EXOC6B: variants seen among roughly 807,000 people sequenced by gnomAD.
EXOC6B encodes the protein exocyst complex component 6B.
Under a neutral mutation model 113.5 loss-of-function variants are expected in EXOC6B, and 54 were observed. That is an observed-to-expected ratio of 0.48 (90% CI 0.38 to 0.60). EXOC6B has a LOEUF of 0.60. Ranked by LOEUF, EXOC6B falls within the 20% of genes least tolerant of loss-of-function variation. EXOC6B has a pLI of 0.00. For missense variants in EXOC6B, 797 were observed against 977.5 expected, an observed-to-expected ratio of 0.82 and a Z score of 2.46; for synonymous variants, 357 against 339.0, an observed-to-expected ratio of 1.05 and a Z score of -0.58.
At chr2:72,396,150 T>G (rs1023501095) in intron 18 of EXOC6B, among the ~76,000 whole-genome samples, 1 of 152,144 alleles carries the variant, frequency 6.6e-6, no homozygotes, top group Non-Finnish European at 1.5e-5. Flanking sequence ...TTCACTCAGT[T>G]TGAGAGGATA....
At chr2:72,406,314 G>C (rs969809024) in intron 18 of EXOC6B, among the ~76,000 whole-genome samples, 8 of 152,060 alleles carry the variant, frequency 5.3e-5, no homozygotes, top group Admixed American at 4.6e-4. Flanking sequence ...AGTTAACAAG[G>C]ATATCCAGGA....
chr2:72,500,398 G>A (rs559397679), intron 11 of EXOC6B, among the ~76,000 whole-genome samples: 309 of 152,118 alleles, frequency 2.0e-3, no homozygotes, highest in Non-Finnish European at 3.6e-3. Context: ...ACTAAGCACT[G>A]AACTGATGAA....
chr2:72,580,088 A>G (rs888834037), intron 6 of EXOC6B, among the ~76,000 whole-genome samples: 1 of 150,054 alleles, frequency 6.7e-6, no homozygotes, highest in Non-Finnish European at 1.5e-5. Context: ...AACGAAAAAC[A>G]AAAAAAAGCA....
intron 6 of EXOC6B, among the ~76,000 whole-genome samples, chr2:72,579,869 G>C: frequency 6.6e-6 from 1 of 152,096 alleles, no homozygotes; most frequent in South Asian, 2.1e-4. Flanking sequence ...AATTATATAG[G>C]CTTCAATAAC....
intron 1 of EXOC6B, among the ~76,000 whole-genome samples, chr2:72,815,600 A>C (rs1450332028): frequency 6.6e-6 from 1 of 152,176 alleles, no homozygotes; most frequent in East Asian, 1.9e-4. Flanking sequence ...CCTCACTCAC[A>C]ATAAGAAAAA....
intron 1 of EXOC6B, among the ~76,000 whole-genome samples, chr2:72,754,664 G>A (rs1222040774): frequency 6.7e-6 from 1 of 148,360 alleles, no homozygotes; most frequent in East Asian, 2.0e-4. Context: ...CCAGGCTGGA[G>A]CACAGTGGCA....
chr2:72,804,674 C>T (rs1685482068), intron 1 of EXOC6B, among the ~76,000 whole-genome samples: 1 of 152,036 alleles, frequency 6.6e-6, no homozygotes, highest in South Asian at 2.1e-4. Flanking sequence ...CAGCTCACTG[C>T]AACCTCTGCC....
chr2:72,207,346 TC>T (rs1679899212), intron 20 of EXOC6B, among the ~76,000 whole-genome samples: 1 of 152,200 alleles, frequency 6.6e-6, no homozygotes, highest in African/African-American at 2.4e-5. Context: ...GTTAAAAGTG[TC>T]AACTCTGGAT....
At chr2:72,243,151 TG>T (rs1682429805) in intron 20 of EXOC6B, among the ~76,000 whole-genome samples, 1 of 152,178 alleles carries the variant, frequency 6.6e-6, no homozygotes, top group Non-Finnish European at 1.5e-5. Context: ...TCAGCATGAA[TG>T]GGGAGGCCTC....
chr2:72,666,818 CACACAA>C (rs1265488577), intron 6 of EXOC6B, among the ~76,000 whole-genome samples: 102 of 150,290 alleles, frequency 6.8e-4, no homozygotes, highest in Non-Finnish European at 9.6e-4. Context: ...CACACACACA[CACACAA>C]AGAAATGCCT....
chr2:72,337,539 C>T (rs1688761669), intron 19 of EXOC6B, among the ~76,000 whole-genome samples: 1 of 152,148 alleles, frequency 6.6e-6, no homozygotes, highest in Non-Finnish European at 1.5e-5. Flanking sequence ...GATGAAACAA[C>T]TTAGGAATCT....
chr2:72,290,179 C>T (rs1403465542), intron 20 of EXOC6B, among the ~76,000 whole-genome samples: 1 of 152,148 alleles, frequency 6.6e-6, no homozygotes, highest in African/African-American at 2.4e-5. Context: ...CTCCAGCCTG[C>T]CAACTGCATA....
chr2:72,247,619 A>T (rs1450031959), intron 20 of EXOC6B, among the ~76,000 whole-genome samples: 4 of 152,176 alleles, frequency 2.6e-5, no homozygotes, highest in Non-Finnish European at 4.4e-5. Context: ...TTTGCTATGA[A>T]ATTAAGAAAC....
chr2:72,219,211 A>G (rs925362266), intron 20 of EXOC6B, among the ~76,000 whole-genome samples: 1 of 152,048 alleles, frequency 6.6e-6, no homozygotes, highest in Non-Finnish European at 1.5e-5. Flanking sequence ...ATGTGTGAAC[A>G]CTGATAACCG....
At chr2:72,764,048 C>T (rs1682909211) in intron 1 of EXOC6B, among the ~76,000 whole-genome samples, 1 of 151,900 alleles carries the variant, frequency 6.6e-6, no homozygotes, top group African/African-American at 2.4e-5. Context: ...CCCTGCACTC[C>T]AGCATGGGCG....
chr2:72,517,798 A>AT (rs1701291553), intron 8 of EXOC6B, among the ~76,000 whole-genome samples: 1 of 152,190 alleles, frequency 6.6e-6, no homozygotes, highest in Non-Finnish European at 1.5e-5. Flanking sequence ...TACTCATTTA[A>AT]TTTTTTGTTA....
intron 8 of EXOC6B, among the ~76,000 whole-genome samples, chr2:72,554,068 T>C (rs1301448152): frequency 6.6e-6 from 1 of 152,204 alleles, no homozygotes; most frequent in African/African-American, 2.4e-5. Flanking sequence ...TGAGACAATT[T>C]TGAAAATGAA....
chr2:72,259,714 C>T (rs6546752), intron 20 of EXOC6B, among the ~76,000 whole-genome samples: 56,263 of 152,032 alleles, frequency 0.37, 13,165 homozygotes, highest in African/African-American at 0.66. Context: ...TAGCTGCAGC[C>T]AGTGTCACCC....
chr2:72,244,313 A>T lies in EXOC6B; in HGVS notation c.2197-60126T>A, dbSNP rs578189152. 3.2e-4 allele frequency among the ~76,000 whole-genome samples: 48 copies of T among 152,330 alleles called. 1 individual carries two copies. In the South Asian group the frequency reaches 8.5e-3, roughly 27 times the overall value. ...TACATTTCTGGATAAAGCATGAGTC[A>T]AAATAGTCATGTCAAGGGGAATTAA... On this transcript the variant is annotated intron_variant, in intron 20 of 21. Coordinates refer to ENST00000272427, the MANE Select transcript of EXOC6B (RefSeq NM_015189.3).
Sources: allele counts gnomAD v4.1 joint callset (sites outside exome capture counted in the v4.1 genomes callset), GRCh38; gene constraint gnomAD v4.1.1; transcripts MANE v1.5; gene names NCBI Gene and HGNC (gene_info 2026-07-23, HGNC 2026-07-21).